ITGA1: variants seen among roughly 807,000 people sequenced by gnomAD.
The protein encoded by ITGA1 is integrin subunit alpha 1, also known as integrin alpha-1.
In ITGA1, 85 loss-of-function variants were observed where a neutral mutation model predicts 145.9. The observed-to-expected ratio is 0.58, with a 90% CI of 0.49 to 0.70. The LOEUF (loss-of-function observed/expected upper bound fraction) is 0.70. ITGA1 is among the 30% of genes least tolerant of loss of function. The pLI is 0.00. For synonymous variants in ITGA1, 520 were observed against 495.3 expected (o/e 1.05, Z -0.66); for missense variants, 1,351 against 1,418.7 (o/e 0.95, Z 0.77).
chr5:52,846,104 C>T (rs562982689), intron 1 of ITGA1, among the ~76,000 whole-genome samples: 3 of 152,108 alleles, frequency 2.0e-5, no homozygotes, highest in African/African-American at 2.4e-5. Context: ...CTGTAGGTCA[C>T]GGAAGCACAA....
intron 27 of ITGA1, among the ~76,000 whole-genome samples, 158 bp from the exon 28 acceptor site, chr5:52,947,187 C>G (rs750663527): frequency 6.6e-6 from 1 of 152,104 alleles, no homozygotes; most frequent in Admixed American, 6.6e-5. Context: ...GAGATTTAGA[C>G]TAGATGAAGA....
At chr5:52,798,763 A>G (rs1167681132) in intron 1 of ITGA1, among the ~76,000 whole-genome samples, 6 of 152,288 alleles carry the variant, frequency 3.9e-5, no homozygotes. Context: ...CTGTACCTGA[A>G]AACAGAAGCT....
At chr5:52,928,995 CT>C (rs1242717708) in intron 20 of ITGA1, among the ~76,000 whole-genome samples, 18 of 152,164 alleles carry the variant, frequency 1.2e-4, no homozygotes, top group Admixed American at 1.0e-3. Context: ...ATTATTTAGT[CT>C]GTTGGGCCTA....
intron 14 of ITGA1, among the ~76,000 whole-genome samples, chr5:52,912,648 A>C (rs1750580798): frequency 6.8e-6 from 1 of 146,824 alleles, no homozygotes; most frequent in Admixed American, 6.8e-5. Flanking sequence ...TATACTAGAT[A>C]CACTATATAT....
chr5:52,821,093 C>A (rs1463694532), intron 1 of ITGA1, among the ~76,000 whole-genome samples: 3 of 152,104 alleles, frequency 2.0e-5, no homozygotes, highest in Non-Finnish European at 4.4e-5. Context: ...ACAGCTAGCA[C>A]AGATTTATCT....
intron 2 of ITGA1, among the ~76,000 whole-genome samples, chr5:52,857,407 T>G (rs1261876069): frequency 6.6e-6 from 1 of 152,082 alleles, no homozygotes; most frequent in Non-Finnish European, 1.5e-5. Context: ...CATTTAGCCA[T>G]ATGCAGATTG....
Position 52,894,328 on chromosome 5 carries a change from C to A in ITGA1, c.1090+488C>A, listed in dbSNP as rs550397351. Among the ~76,000 whole-genome samples, 3 of 152,124 alleles carry A rather than the reference C, an allele frequency of 2.0e-5. No individual in the cohort carries two copies. The South Asian group carries it at 6.2e-4, about 32-fold the overall frequency. Reference sequence around the variant, plus strand: ...TTTTAAAGGTCTTCATGGAAATTTGCCTTAAAATCCATGGCAATGAAACAT... The same window carrying A: ...TTTTAAAGGTCTTCATGGAAATTTGACTTAAAATCCATGGCAATGAAACAT... On this transcript the variant is annotated intron_variant, in intron 9 of 28. Transcript: ENST00000282588.
At chr5:52,859,952 G>A (rs1283956893) in intron 2 of ITGA1, among the ~76,000 whole-genome samples, 2 of 152,090 alleles carry the variant, frequency 1.3e-5, no homozygotes, top group Non-Finnish European at 2.9e-5. Flanking sequence ...ATACGCTGTT[G>A]CTCATGTTTA....
At position 52,898,288 on chromosome 5, in the gene ITGA1, T is replaced by C. The variant is rs749094336; in HGVS notation, c.1214T>C (p.Val405Ala). The C allele has an allele frequency of 1.9e-6, 3 of 1,611,970 alleles. No individual in the cohort carries two copies. Among genetic ancestry groups the C allele is most frequent in the Admixed American group, 3.3e-5 (2 of 59,778 alleles). The change falls in exon 11 of 29, where the codon GTT becomes GCT. Residue 405 changes from valine to alanine, a missense_variant. By Grantham distance (64) the Val-to-Ala change is moderately conservative (BLOSUM62 0). Coordinates refer to ENST00000282588, the MANE Select transcript of ITGA1 (RefSeq NM_181501.2). ...GGAGCCTATGATTGGAATGGAACAG[T>C]TGTCATGCAGAAGGCTAGTCAAATC... ...AVGAYDWNGT[V>A]VMQKASQIII...
chr5:52,890,572 T>C (rs1236650114), intron 8 of ITGA1, among the ~76,000 whole-genome samples: 1 of 152,200 alleles, frequency 6.6e-6, no homozygotes, highest in African/African-American at 2.4e-5. Flanking sequence ...TGTGCTTTCT[T>C]TTTTAAAATG....
At chr5:52,866,323 G>A (rs1043640561) in intron 6 of ITGA1, among the ~76,000 whole-genome samples, 6 of 152,162 alleles carry the variant, frequency 3.9e-5, no homozygotes, top group African/African-American at 1.4e-4. Context: ...AACCTAGGCT[G>A]TGTTATTTTC....
In ITGA1 at chr5:52,838,609, G is replaced by A. The variant is rs149048080; in HGVS notation, c.62-10756G>A. Among the ~76,000 whole-genome samples the A allele has an allele frequency of 4.3e-3, 651 of 152,134 alleles. 6 individuals carry two copies. Among genetic ancestry groups the A allele is most frequent in the African/African-American group, 0.014 (600 of 41,502 alleles). Reference sequence around the variant, plus strand: ...GAAATATGGCAAATAAAAAAAGAGAGGTCAAACTAAATCTAATACCTCTTT... The same window carrying A: ...GAAATATGGCAAATAAAAAAAGAGAAGTCAAACTAAATCTAATACCTCTTT... On this transcript the variant is annotated intron_variant, in intron 1 of 28. Transcript: ENST00000282588.
chr5:52,847,452 G>A (rs1315248084), intron 1 of ITGA1, among the ~76,000 whole-genome samples: 16 of 152,160 alleles, frequency 1.1e-4, no homozygotes, highest in Admixed American at 1.0e-3. Flanking sequence ...GTGGCTATAT[G>A]GTGGTTTTAA....
intron 1 of ITGA1, among the ~76,000 whole-genome samples, chr5:52,812,767 T>G (rs1226693481): frequency 6.7e-6 from 1 of 149,680 alleles, no homozygotes; most frequent in Non-Finnish European, 1.5e-5. Flanking sequence ...GCAATTTAAG[T>G]TCATTTTGTT....
At position 52,865,767 on chromosome 5, in the gene ITGA1, T is replaced by C; in HGVS notation, c.574T>C (p.Phe192Leu). The C allele has an allele frequency of 6.2e-7, 1 of 1,605,182 alleles. No individual in the cohort carries two copies. The highest frequency in any genetic ancestry group is 1.1e-5 in the South Asian group (1 of 89,934). Residue 192 changes from phenylalanine to leucine, a missense_variant, in exon 6 of 29, where the codon TTT becomes CTT. Phe to Leu is a conservative substitution (Grantham distance 22). Coordinates refer to ENST00000282588, the MANE Select transcript of ITGA1 (RefSeq NM_181501.2). The part of the protein sequence containing the change: ...SIYPWDSVTA[F>L]LNDLLERMDI... Reference sequence around the variant, plus strand: ...TTACCCATGGGACAGTGTTACAGCTTTTTTAAATGACCTTCTTGAAAGAAT... The same window carrying C: ...TTACCCATGGGACAGTGTTACAGCTCTTTTAAATGACCTTCTTGAAAGAAT...
chr5:52,803,562 A>G (rs1269749060), intron 1 of ITGA1: 9 of 152,320 alleles, frequency 5.9e-5, no homozygotes, highest in African/African-American at 2.2e-4. Context: ...GTTCACCTCA[A>G]CTTGAGAGCT....
rs1049532946 is a variant in ITGA1, at chr5:52,955,379, A to AGAT, written c.*2929_*2931dup. 1.3e-5 allele frequency: 2 copies of AGAT among 151,998 alleles called. No homozygotes were observed. The highest frequency in any genetic ancestry group is 4.8e-5 in the African/African-American group (2 of 41,322). 9.4% of individuals were successfully genotyped at this position (151,998 alleles called of 1,614,324 possible). ...TAGATAGATAGATAGATAGATAGAT[A>AGAT]GATAGATAGATAGATATTGATAGAG... On this transcript the variant is annotated 3_prime_UTR_variant, in exon 29 of 29. Coordinates refer to ENST00000282588, the MANE Select transcript of ITGA1 (RefSeq NM_181501.2).
At chr5:52,905,579 G>A in intron 11 of ITGA1, 184 bp from the exon 12 acceptor site, 1 of 413,486 alleles carries the variant, frequency 2.4e-6, no homozygotes. Context: ...AGCAGTTGTG[G>A]TAGATAGAGA....
intron 1 of ITGA1, chr5:52,801,890 G>T (rs769849455): frequency 7.3e-7 from 1 of 1,371,140 alleles, no homozygotes; most frequent in South Asian, 1.4e-5. Context: ...AACTGTTACA[G>T]TACATTTCTC....
Sources: allele counts gnomAD v4.1 joint callset (sites outside exome capture counted in the v4.1 genomes callset), GRCh38; gene constraint gnomAD v4.1.1; transcripts MANE v1.5; gene names NCBI Gene and HGNC (gene_info 2026-07-23, HGNC 2026-07-21).